Variants in GATA3 observed in about 807,000 individuals in gnomAD.
The protein encoded by GATA3 is trans-acting T-cell-specific transcription factor GATA-3.
GATA3 carries 6 observed loss-of-function variants against 36.0 expected under a neutral mutation model. That is an observed-to-expected ratio of 0.17 (90% CI 0.09 to 0.33). GATA3 has a LOEUF of 0.33. Among genes scored for constraint, GATA3 ranks in the 10% least tolerant of loss-of-function variants. GATA3 has a pLI of 1.00. For synonymous variants in GATA3, 326 were observed against 273.0 expected (o/e 1.19, Z -1.92); for missense variants, 514 against 610.1 (o/e 0.84, Z 1.66).
In GATA3 at chr10:8,058,293, G is replaced by C. The variant is rs765994796; in HGVS notation, c.242-12G>C. Reference sequence around the variant, plus strand: ...TCCTTCTCTCTCCTGCCCTTTCCCCGTTGCCCCACAGGGAGCCAGGTGTGC... The same window carrying C: ...TCCTTCTCTCTCCTGCCCTTTCCCCCTTGCCCCACAGGGAGCCAGGTGTGC... On this transcript the variant is annotated splice_polypyrimidine_tract_variant and intron_variant, in intron 2 of 5. Coordinates refer to ENST00000379328, the MANE Select transcript of GATA3 (RefSeq NM_001002295.2). 3 of 1,613,344 alleles carry C rather than the reference G, an allele frequency of 1.9e-6. No individual in the cohort carries two copies. The highest frequency in any genetic ancestry group is 2.5e-6 in the Non-Finnish European group (3 of 1,179,956).
chr10:8,062,770 A>G (rs929877647), intron 3 of GATA3, among the ~76,000 whole-genome samples: 15 of 151,900 alleles, frequency 9.9e-5, no homozygotes, highest in Non-Finnish European at 2.1e-4. Flanking sequence ...TCTCTGGGGG[A>G]CCAACTTGAG....
At chr10:8,068,219 G>A (rs769640611) in intron 4 of GATA3, among the ~76,000 whole-genome samples, 1 of 152,048 alleles carries the variant, frequency 6.6e-6, no homozygotes, top group Non-Finnish European at 1.5e-5. Context: ...ACACAACCAA[G>A]GAATCAAAAT....
chr10:8,053,373 G>T (rs1832548863), upstream of GATA3: 1 of 152,254 alleles, frequency 6.6e-6, no homozygotes, highest in African/African-American at 2.4e-5. The surrounding 1 kb of genome is among the most constrained non-coding windows in gnomAD (Gnocchi z 5.1). Context: ...GGGGCGAGCA[G>T]AGAGTGGATT....
At chr10:8,045,686 C>T (rs1832378734) in intron 1 of GATA3, among the ~76,000 whole-genome samples, 1 of 152,194 alleles carries the variant, frequency 6.6e-6, no homozygotes, top group Admixed American at 6.5e-5. Flanking sequence ...CTCTGGGTTT[C>T]TGTGGTGACC....
At chr10:8,057,349 G>C (rs1270913320) in intron 2 of GATA3, among the ~76,000 whole-genome samples, 1 of 152,188 alleles carries the variant, frequency 6.6e-6, no homozygotes, top group African/African-American at 2.4e-5. Flanking sequence ...GAGTGTATGA[G>C]TTACAGCTAC....
At chr10:8,045,574 T>C (rs1832377702) in intron 1 of GATA3, 1 of 152,292 alleles carries the variant, frequency 6.6e-6, no homozygotes, top group South Asian at 2.1e-4. Flanking sequence ...CCGCTCCACG[T>C]GGAGAGAATT....
chr10:8,067,779 C>T (rs1832869891), intron 4 of GATA3, among the ~76,000 whole-genome samples: 2 of 152,360 alleles, frequency 1.3e-5, no homozygotes, highest in South Asian at 2.1e-4. Context: ...GATCGCGCCA[C>T]TGCACTCCAG....
At chr10:8,065,962 T>TAAA (rs66810069) in intron 4 of GATA3, among the ~76,000 whole-genome samples, 3 of 91,084 alleles carry the variant, frequency 3.3e-5, no homozygotes, top group Non-Finnish European at 6.5e-5. Flanking sequence ...CTGGCCTTAG[T>TAAA]AAAAAAAAAA....
chr10:8,074,538 A>AT lies in GATA3; in HGVS notation c.*515_*516insT. The AT allele has an allele frequency of 4.3e-6, 1 of 234,622 alleles. No individual in the cohort carries two copies. The allele number at this position is 234,622 out of a possible 1,614,324, so 14.5% of individuals were successfully genotyped here. A position where few individuals can be genotyped will look rare whatever the true frequency, so the allele number is the denominator to read the frequency against. On this transcript the variant is annotated 3_prime_UTR_variant, in exon 6 of 6. Coordinates refer to ENST00000379328, the MANE Select transcript of GATA3 (RefSeq NM_001002295.2). ...AAGAAAAAAGAGAAAAGAAAAAAAAAGAAAAAAGTTGTAGGCGAATCATTT... is the reference window on the plus strand; with the variant it reads ...AAGAAAAAAGAGAAAAGAAAAAAAAATGAAAAAAGTTGTAGGCGAATCATTT...
chr10:8,055,518 T>TC lies in GATA3; in HGVS notation c.-132dup, dbSNP rs1448362968. On this transcript the variant is annotated 5_prime_UTR_variant, in exon 2 of 6. Coordinates refer to ENST00000379328, the MANE Select transcript of GATA3 (RefSeq NM_001002295.2). The surrounding 1 kb of genome is among the most constrained non-coding windows in gnomAD (Gnocchi z 5.4). ...TCACCTTTGCTTCCCAGCCTTCCCA[T>TC]CCCCCCACCGAAAGCAAATCATTCA... 1.1e-6 allele frequency: 1 copy of TC among 896,642 alleles called. No individual in the cohort carries two copies. Among genetic ancestry groups the TC allele is most frequent in the Non-Finnish European group, 1.7e-6 (1 of 598,230 alleles). The allele number at this position is 896,642 out of a possible 1,614,324, so 55.5% of individuals were successfully genotyped here. A position where few individuals can be genotyped will look rare whatever the true frequency, so the allele number is the denominator to read the frequency against.
At chr10:8,071,386 A>C (rs1832929086) in intron 5 of GATA3, among the ~76,000 whole-genome samples, 1 of 152,196 alleles carries the variant, frequency 6.6e-6, no homozygotes, top group Admixed American at 6.5e-5. Context: ...TGTATATTTC[A>C]TCCCTATATT....
chr10:8,073,637 A>G, intron 5 of GATA3, 102 bp from the exon 6 acceptor site: 2 of 1,282,370 alleles, frequency 1.6e-6, no homozygotes, highest in Non-Finnish European at 1.1e-6. Context: ...CAGATCCCTG[A>G]TCCGGGGCGG....
chr10:8,058,940 G>A (rs74123876), intron 3 of GATA3, 99 bp downstream of exon 3: 105 of 1,135,616 alleles, frequency 9.2e-5, no homozygotes, highest in Non-Finnish European at 1.3e-4. Flanking sequence ...GAGCCGGGGT[G>A]TCCCAAAGCC....
intron 3 of GATA3, among the ~76,000 whole-genome samples, chr10:8,060,837 T>G (rs1034826503): frequency 2.0e-5 from 3 of 152,026 alleles, no homozygotes; most frequent in Non-Finnish European, 4.4e-5. Context: ...CCGATTTTGG[T>G]TTTTTTGGCG....
rs142846560 is a variant in GATA3, at chr10:8,069,505, G to C, written c.957G>C (p.Ala319=). 6.2e-7 allele frequency: 1 copy of C among 1,613,798 alleles called. No individual in the cohort carries two copies. Among genetic ancestry groups the C allele is most frequent in the Non-Finnish European group, 8.5e-7 (1 of 1,179,952 alleles). The part of the protein sequence containing the change: ...SAARRAGTSC[A]NCQTTTTTLW... ...CCAGGAGAGCAGGGACGTCCTGTGC[G>C]AACTGTCAGACCACCACAACCACAC... The change falls in exon 5 of 6, where the codon GCG becomes GCC. Residue 319 remains alanine, a synonymous_variant. Coordinates refer to ENST00000379328, the MANE Select transcript of GATA3 (RefSeq NM_001002295.2).
chr10:8,057,209 C>G (rs958811742), intron 2 of GATA3, among the ~76,000 whole-genome samples: 1 of 152,188 alleles, frequency 6.6e-6, no homozygotes, highest in African/African-American at 2.4e-5. Context: ...CCTCCCCTTC[C>G]TCTCCCTTAA....
In GATA3 at chr10:8,064,367, T is replaced by C. The variant is rs546874437; in HGVS notation, c.924+229T>C. On this transcript the variant is annotated intron_variant, in intron 4 of 5. Transcript: ENST00000379328. ...CAGAACAGCTCTTTTCCCCTCTTTT[T>C]CCCCATCCATGTTTCTTAAGTCGCT... Among the ~76,000 whole-genome samples, 4 of 150,050 alleles carry C rather than the reference T, an allele frequency of 2.7e-5. No homozygotes were observed. The South Asian group carries it at 8.5e-4, about 32-fold the overall frequency.
At chr10:8,062,957 T>A (rs1247200841) in intron 3 of GATA3, among the ~76,000 whole-genome samples, 1 of 152,214 alleles carries the variant, frequency 6.6e-6, no homozygotes, top group East Asian at 1.9e-4. Flanking sequence ...CCCCATGTCT[T>A]GAAATGGTAA....
intron 3 of GATA3, among the ~76,000 whole-genome samples, chr10:8,062,565 T>C (rs1385462175): frequency 1.3e-5 from 2 of 151,978 alleles, no homozygotes; most frequent in African/African-American, 4.8e-5. Flanking sequence ...GCCCAATAGG[T>C]CCCATATCTG....
Sources: gnomAD v4.1 joint callset for allele counts (sites outside exome capture counted in the v4.1 genomes callset) on GRCh38, gnomAD v4.1.1 for gene constraint, Gnocchi (gnomAD v3.1) non-coding constraint, MANE v1.5 for transcripts, NCBI Gene and HGNC (gene_info 2026-07-23, HGNC 2026-07-21) for gene names.